Variants in ZCCHC7 observed in about 807,000 individuals in gnomAD.
ZCCHC7 encodes the protein zinc finger CCHC-type containing 7.
In ZCCHC7, 35 loss-of-function variants were observed where a neutral mutation model predicts 52.0. The observed-to-expected ratio is 0.67, with a 90% CI of 0.51 to 0.89. ZCCHC7 has a LOEUF of 0.89. ZCCHC7 is among the 40% of genes least tolerant of loss of function. ZCCHC7 has a pLI of 0.00. For synonymous variants in ZCCHC7, 217 were observed against 221.5 expected (o/e 0.98, Z 0.18); for missense variants, 574 against 649.1 (o/e 0.88, Z 1.26).
At chr9:37,341,798 C>T (rs1275456035) in intron 6 of ZCCHC7, among the ~76,000 whole-genome samples, 1 of 152,044 alleles carries the variant, frequency 6.6e-6, no homozygotes, top group Non-Finnish European at 1.5e-5. Flanking sequence ...AAGAGTGATG[C>T]AGGCAGATCA....
intron 2 of ZCCHC7, among the ~76,000 whole-genome samples, chr9:37,146,938 CTA>C (rs1843462259): frequency 6.6e-6 from 1 of 151,816 alleles, no homozygotes; most frequent in Non-Finnish European, 1.5e-5. Context: ...ATAACATCAA[CTA>C]TTTGTATCTT....
At chr9:37,204,190 T>C (rs1408496302) in intron 2 of ZCCHC7, among the ~76,000 whole-genome samples, 1 of 152,242 alleles carries the variant, frequency 6.6e-6, no homozygotes, top group Non-Finnish European at 1.5e-5. Flanking sequence ...AAGTTCTTTG[T>C]AAATTCTGGA....
intron 2 of ZCCHC7, among the ~76,000 whole-genome samples, chr9:37,254,844 T>TTTTTTTC (rs750489929): frequency 1.4e-5 from 2 of 145,436 alleles, no homozygotes; most frequent in Non-Finnish European, 3.0e-5. Flanking sequence ...TTTCTTTTTT[T>TTTTTTTC]TTTTTTTTTG....
intron 1 of ZCCHC7, among the ~76,000 whole-genome samples, chr9:37,122,332 G>C (rs1184723444): frequency 2.6e-5 from 4 of 152,174 alleles, no homozygotes; most frequent in Non-Finnish European, 5.9e-5. Flanking sequence ...TTCTATAGCT[G>C]TTTTATATTT....
chr9:37,314,444 C>T (rs1204957213), intron 5 of ZCCHC7, among the ~76,000 whole-genome samples: 3 of 152,020 alleles, frequency 2.0e-5, no homozygotes, highest in Non-Finnish European at 4.4e-5. Context: ...AAAACTAAAT[C>T]CAGGTATAAA....
At chr9:37,347,692 C>A (rs1347655692) in intron 6 of ZCCHC7, among the ~76,000 whole-genome samples, 2 of 151,988 alleles carry the variant, frequency 1.3e-5, no homozygotes, top group Non-Finnish European at 2.9e-5. Flanking sequence ...GTAATGATTT[C>A]TTTGCTCTTT....
intron 2 of ZCCHC7, among the ~76,000 whole-genome samples, chr9:37,171,181 A>G (rs775730174): frequency 7.2e-5 from 11 of 152,210 alleles, no homozygotes; most frequent in Admixed American, 1.3e-4. Flanking sequence ...AATGTGTACA[A>G]TTGAGTTTCC....
At chr9:37,163,385 C>CAAA (rs1022187626) in intron 2 of ZCCHC7, among the ~76,000 whole-genome samples, 7,604 of 76,872 alleles carry the variant, frequency 0.099, 433 homozygotes, top group Non-Finnish European at 0.14. Flanking sequence ...GACTCCATCT[C>CAAA]AAAAAAAAAA....
intron 2 of ZCCHC7, among the ~76,000 whole-genome samples, chr9:37,254,741 A>T (rs1826492433): frequency 6.7e-6 from 1 of 149,314 alleles, no homozygotes; most frequent in Admixed American, 6.7e-5. Flanking sequence ...AATGTTTTAG[A>T]TTTTGGATTT....
chr9:37,190,330 T>G (rs935975659), intron 2 of ZCCHC7, among the ~76,000 whole-genome samples: 17 of 152,170 alleles, frequency 1.1e-4, no homozygotes, highest in African/African-American at 4.1e-4. Context: ...TATCTAAGTA[T>G]TAGGAGATTC....
intron 2 of ZCCHC7, among the ~76,000 whole-genome samples, chr9:37,141,772 A>G (rs1843236138): frequency 6.6e-6 from 1 of 151,872 alleles, no homozygotes; most frequent in South Asian, 2.1e-4. Flanking sequence ...ATATATTCAA[A>G]TAAGCATATG....
At chr9:37,123,190 GGTGT>G (rs58690804) in intron 1 of ZCCHC7, among the ~76,000 whole-genome samples, 75,291 of 148,524 alleles carry the variant, frequency 0.51, 19,279 homozygotes, top group East Asian at 0.75. Context: ...CTGAGTCAAG[GGTGT>G]GTGTGTGTGT....
At chr9:37,205,699 G>T (rs186094444) in intron 2 of ZCCHC7, among the ~76,000 whole-genome samples, 146 of 151,582 alleles carry the variant, frequency 9.6e-4, no homozygotes, top group African/African-American at 3.4e-3. Context: ...TGTATTTTTA[G>T]TAGAGATGGG....
intron 5 of ZCCHC7, among the ~76,000 whole-genome samples, chr9:37,324,385 G>A (rs1409249735): frequency 6.6e-6 from 1 of 152,210 alleles, no homozygotes; most frequent in Non-Finnish European, 1.5e-5. Context: ...TATGTGACGT[G>A]CATTCTGTTA....
chr9:37,200,245 T>A (rs189286112), intron 2 of ZCCHC7, among the ~76,000 whole-genome samples: 9 of 152,290 alleles, frequency 5.9e-5, no homozygotes, highest in Middle Eastern at 3.4e-3. Context: ...ACTCTCCTCC[T>A]TTTTTCACTC....
Position 37,250,282 on chromosome 9 carries a change from A to G in ZCCHC7, c.611-51906A>G, listed in dbSNP as rs547977366. On this transcript the variant is annotated intron_variant, in intron 2 of 8. Coordinates refer to ENST00000336755, the MANE Select transcript of ZCCHC7 (RefSeq NM_032226.3). ...AAAGTCTCATGTGTACTAGGAATCA[A>G]TCTCTCTCTTTCTCTCTCTTTTTTT... Among the ~76,000 whole-genome samples the G allele has an allele frequency of 3.4e-5, 5 of 148,968 alleles. No individual in the cohort carries two copies. The South Asian group carries it at 8.4e-4, about 25-fold the overall frequency.
intron 5 of ZCCHC7, among the ~76,000 whole-genome samples, chr9:37,325,108 A>G (rs1267933960): frequency 1.3e-5 from 2 of 152,218 alleles, no homozygotes; most frequent in Non-Finnish European, 2.9e-5. Flanking sequence ...TTCATCTTTG[A>G]ATTTTATGAA....
intron 2 of ZCCHC7, among the ~76,000 whole-genome samples, chr9:37,260,782 G>C (rs1343547513): frequency 6.6e-6 from 1 of 152,170 alleles, no homozygotes; most frequent in Admixed American, 6.5e-5. Context: ...TCCTCTAGGA[G>C]CCTTATGGAA....
chr9:37,195,511 T>A (rs1008497514), intron 2 of ZCCHC7, among the ~76,000 whole-genome samples: 2 of 152,148 alleles, frequency 1.3e-5, no homozygotes, highest in Admixed American at 6.5e-5. Context: ...ATGTAGCAGT[T>A]TAATGAGTGG....
Sources: gnomAD v4.1 joint callset for allele counts (sites outside exome capture counted in the v4.1 genomes callset) on GRCh38, gnomAD v4.1.1 for gene constraint, MANE v1.5 for transcripts, NCBI Gene and HGNC (gene_info 2026-07-23, HGNC 2026-07-21) for gene names.